ZNF362: variants seen among roughly 807,000 people sequenced by gnomAD.
ZNF362 encodes zinc finger protein 362, also known as rotund homolog.
A neutral mutation model predicts 42.9 loss-of-function variants in ZNF362; 11 were observed. The observed-to-expected ratio is 0.26, with a 90% confidence interval of 0.16 to 0.42. The LOEUF (loss-of-function observed/expected upper bound fraction) is 0.42, where lower values mean the gene tolerates loss of function less well. Among genes scored for constraint, ZNF362 ranks in the 20% least tolerant of loss-of-function variants. The pLI is 1.00. For missense variants in ZNF362, 362 were observed against 576.2 expected, an observed-to-expected ratio of 0.63 and a Z score of 3.81; for synonymous variants, 255 against 257.3, an observed-to-expected ratio of 0.99 and a Z score of 0.09.
chr1:33,260,613 G>A (rs911541964), intron 1 of ZNF362, among the ~76,000 whole-genome samples: 10 of 152,152 alleles, frequency 6.6e-5, no homozygotes, highest in African/African-American at 2.4e-4. Flanking sequence ...TTTCTTGCCT[G>A]TCTACACCAT....
At chr1:33,289,853 A>AGCCGATGT (rs1646063162) in intron 6 of ZNF362, among the ~76,000 whole-genome samples, 1 of 152,142 alleles carries the variant, frequency 6.6e-6, no homozygotes. Context: ...ACTTCTGGGA[A>AGCCGATGT]GCCGATGTCT....
chr1:33,288,743 C>CAAAAAAAAA (rs60197226), intron 6 of ZNF362, among the ~76,000 whole-genome samples: 370 of 27,338 alleles, frequency 0.014, 126 homozygotes, highest in Non-Finnish European at 0.017. Flanking sequence ...GACTCTGTCT[C>CAAAAAAAAA]AAAAAAAAAA....
rs752647561 is a variant in ZNF362, at chr1:33,295,215, C to T, written c.1056C>T (p.Asp352=). Residue 352 remains aspartate (D), a synonymous_variant, in exon 8 of 9, where the codon GAC becomes GAT. Coordinates refer to ENST00000539719, the MANE Select transcript of ZNF362 (RefSeq NM_152493.3). ...CCAACTGCTACCGGGCCTATTCGGA[C>T]TCCGCTTCTTTGCAGATCCACCTCT... The part of the protein sequence containing the change: ...KCPNCYRAYS[D]SASLQIHLSA... 4.3e-6 allele frequency: 7 copies of T among 1,614,236 alleles called. No homozygotes were observed. Among genetic ancestry groups the T allele is most frequent in the Middle Eastern group, 3.3e-4 (2 of 6,062 alleles).
chr1:33,177,891 A>G, the ZNF362 span, among the ~76,000 whole-genome samples: 2 of 152,150 alleles, frequency 1.3e-5, no homozygotes, highest in Admixed American at 1.3e-4. The surrounding 1 kb of genome is among the most constrained non-coding windows in gnomAD (Gnocchi z 4.1). Flanking sequence ...ATCCTAATAT[A>G]ATTACTTCCA....
chr1:33,239,363 G>T, the ZNF362 span, among the ~76,000 whole-genome samples: 1 of 152,064 alleles, frequency 6.6e-6, no homozygotes, highest in African/African-American at 2.4e-5. Context: ...ATACTTACTG[G>T]TACATATACT....
At chr1:33,256,129 G>A (rs918181251), upstream of ZNF362, among the ~76,000 whole-genome samples, 3 of 150,744 alleles carry the variant, frequency 2.0e-5, no homozygotes, top group Admixed American at 1.3e-4. Context: ...CTCTGCCTCC[G>A]GCGCGGCGCG....
the ZNF362 span, chr1:33,142,130 C>G: frequency 3.9e-5 from 6 of 152,404 alleles, no homozygotes; most frequent in African/African-American, 1.4e-4. Context: ...CCTCCCACCT[C>G]CCTCCTAGCC....
At chr1:33,219,620 G>A in the ZNF362 span, among the ~76,000 whole-genome samples, 1 of 152,206 alleles carries the variant, frequency 6.6e-6, no homozygotes, top group Non-Finnish European at 1.5e-5. Context: ...GACGGGGCAT[G>A]CCCAGGTTTC....
At chr1:33,178,064 G>A in the ZNF362 span, among the ~76,000 whole-genome samples, 391 of 152,246 alleles carry the variant, frequency 2.6e-3, 2 homozygotes, top group Admixed American at 0.011. Context: ...AAAGCTGCAC[G>A]CCAACTGCTA....
rs558203136 is a variant in ZNF362, at chr1:33,275,996, G to A, written c.39-104G>A. On this transcript the variant is annotated intron_variant, in intron 2 of 8. Transcript: ENST00000539719. Reference sequence around the variant, plus strand: ...AGGCTGGGGGACCCACGGGGACATGGATCCCAGACACTGGCCCTGACTTGA... The same window carrying A: ...AGGCTGGGGGACCCACGGGGACATGAATCCCAGACACTGGCCCTGACTTGA... 42 of 1,317,902 alleles carry A rather than the reference G, an allele frequency of 3.2e-5. No individual in the cohort carries two copies. The South Asian group carries it at 5.0e-4, about 16-fold the overall frequency. The allele number at this position is 1,317,902 out of a possible 1,614,324, so 81.6% of individuals were successfully genotyped here.
At chr1:33,186,920 A>G in the ZNF362 span, among the ~76,000 whole-genome samples, 3 of 150,190 alleles carry the variant, frequency 2.0e-5, no homozygotes, top group Non-Finnish European at 4.4e-5. Context: ...TGACCTTAAG[A>G]TAAGGACTAA....
chr1:33,177,064 CAT>C, the ZNF362 span, among the ~76,000 whole-genome samples: 53 of 64,284 alleles, frequency 8.2e-4, no homozygotes, highest in South Asian at 9.0e-4. This position sits in a 1 kb window ranked among gnomAD's most constrained non-coding sequence, Gnocchi z 4.1. Context: ...CACACACACA[CAT>C]GCACACACAC....
Position 33,276,437 on chromosome 1 carries a change from G to C in ZNF362, c.192G>C (p.Ser64=). The C allele has an allele frequency of 6.3e-7, 1 of 1,580,750 alleles. No homozygotes were observed. The highest frequency in any genetic ancestry group is 1.8e-5 in the Admixed American group (1 of 56,550). The change falls in exon 4 of 9, where the codon TCG becomes TCC. Residue 64 remains serine (S), a synonymous_variant. Transcript: ENST00000539719. ...CTCACCTGCCGCCCACGTCGGCCTC[G>C]TCGCAGCAGCCGTTGCTAGTGCCGC... ...RPPHLPPTSA[S]SQQPLLVPPA...
chr1:33,292,814 G>T (rs1646088887), intron 6 of ZNF362, among the ~76,000 whole-genome samples: 1 of 152,168 alleles, frequency 6.6e-6, no homozygotes, highest in Non-Finnish European at 1.5e-5. Flanking sequence ...AATGAGGATG[G>T]GATGAAGTGA....
chr1:33,241,955 G>C, the ZNF362 span, among the ~76,000 whole-genome samples: 842 of 152,318 alleles, frequency 5.5e-3, 3 homozygotes, highest in Non-Finnish European at 9.0e-3. Flanking sequence ...GGACTCAGTG[G>C]TATGTGGGGT....
the ZNF362 span, among the ~76,000 whole-genome samples, chr1:33,168,393 T>C: frequency 3.2e-3 from 487 of 151,948 alleles, 19 homozygotes; most frequent in East Asian, 0.084. Flanking sequence ...AAAACTTTTT[T>C]TTTTAAATCC....
chr1:33,212,257 G>C, the ZNF362 span, among the ~76,000 whole-genome samples: 17 of 152,226 alleles, frequency 1.1e-4, no homozygotes, highest in East Asian at 3.3e-3. Flanking sequence ...TATACAGCTT[G>C]CAGTACTGTG....
chr1:33,241,222 T>C, the ZNF362 span, among the ~76,000 whole-genome samples: 5 of 152,138 alleles, frequency 3.3e-5, no homozygotes, highest in Non-Finnish European at 5.9e-5. Context: ...GGATTGGGCA[T>C]GGTGGCTCAC....
chr1:33,276,058 G>A (rs367878811), intron 2 of ZNF362, 42 bp from the exon 3 acceptor site: 3 of 1,612,026 alleles, frequency 1.9e-6, no homozygotes, highest in Non-Finnish European at 2.5e-6. Context: ...CCAGGCCTTG[G>A]GGAGGGCTCT....
Sources: allele counts gnomAD v4.1 joint callset (sites outside exome capture counted in the v4.1 genomes callset), GRCh38; gene constraint gnomAD v4.1.1; non-coding constraint Gnocchi (gnomAD v3.1); transcripts MANE v1.5; gene names NCBI Gene and HGNC (gene_info 2026-07-23, HGNC 2026-07-21).